RBM6: variants seen among roughly 807,000 people sequenced by gnomAD.
RBM6 encodes RNA binding motif protein 6.
A neutral mutation model predicts 140.4 loss-of-function variants in RBM6; 23 were observed. That is an observed-to-expected ratio of 0.16 (90% CI 0.12 to 0.23). RBM6 has a LOEUF of 0.23. RBM6 is among the 10% of genes least tolerant of loss of function. The pLI is 1.00. For missense variants in RBM6, 1,139 were observed against 1,386.7 expected (o/e 0.82, Z 2.84); for synonymous variants, 439 against 475.6 (o/e 0.92, Z 1.00).
intron 5 of RBM6, among the ~76,000 whole-genome samples, 174 bp from the exon 6 acceptor site, chr3:49,999,266 T>A (rs1442142654): frequency 6.6e-6 from 1 of 152,136 alleles, no homozygotes; most frequent in Non-Finnish European, 1.5e-5. Context: ...ACATCGAGAC[T>A]TTTCTTCAAT....
In RBM6 at chr3:50,030,502, TTC is replaced by T. The variant is rs552835603; in HGVS notation, c.1558-17741_1558-17740del. Among the ~76,000 whole-genome samples, 258 of 152,306 alleles carry T rather than the reference TTC, an allele frequency of 1.7e-3. 1 individual carries two copies. The highest frequency in any genetic ancestry group is 5.9e-3 in the African/African-American group (244 of 41,556). ...CACTACCTACTTTTTTCCTACAACT[TTC>T]TGTTTATTTTATAGTTTATGAATTT... On this transcript the variant is annotated intron_variant, in intron 6 of 20. Transcript: ENST00000266022.
At position 49,992,336 on chromosome 3, in the gene RBM6, T is replaced by A. The variant is rs1008012159; in HGVS notation, c.1484-7104T>A. Among the ~76,000 whole-genome samples, 4 of 152,154 alleles carry A rather than the reference T, an allele frequency of 2.6e-5. 1 individual carries two copies. The highest frequency in any genetic ancestry group is 9.7e-5 in the African/African-American group (4 of 41,432). On this transcript the variant is annotated intron_variant, in intron 5 of 20. Coordinates refer to ENST00000266022, the MANE Select transcript of RBM6 (RefSeq NM_005777.3). ...GAAAAAAAATGTTTATGGGCCATGT[T>A]TTTCTTCCTAGTCAAAATAAAAATA...
chr3:49,999,882 C>G (rs1220348883), intron 6 of RBM6, among the ~76,000 whole-genome samples: 1 of 152,106 alleles, frequency 6.6e-6, no homozygotes, highest in African/African-American at 2.4e-5. Context: ...ATCTGCCTAG[C>G]ACAGAAATTC....
At chr3:50,035,638 T>TGC (rs2088488364) in intron 6 of RBM6, among the ~76,000 whole-genome samples, 1 of 151,654 alleles carries the variant, frequency 6.6e-6, no homozygotes, top group Admixed American at 6.6e-5. Flanking sequence ...GCTGAGATCA[T>TGC]GCCATTGCAC....
intron 1 of RBM6, among the ~76,000 whole-genome samples, chr3:49,945,705 A>G (rs1042887699): frequency 2.0e-5 from 3 of 151,522 alleles, no homozygotes; most frequent in Non-Finnish European, 4.4e-5. Flanking sequence ...ACACGGTGAA[A>G]CCCCGTCTCT....
chr3:50,040,465 AAAAAAAAT>A (rs1358685456), intron 6 of RBM6, among the ~76,000 whole-genome samples: 7 of 53,380 alleles, frequency 1.3e-4, no homozygotes, highest in African/African-American at 2.9e-4. Context: ...AAAAAAAAAA[AAAAAAAAT>A]ATATATATAT....
At chr3:49,954,473 G>C (rs2083883731) in intron 1 of RBM6, among the ~76,000 whole-genome samples, 1 of 151,732 alleles carries the variant, frequency 6.6e-6, no homozygotes, top group Admixed American at 6.6e-5. Flanking sequence ...GTGAAGACAA[G>C]GTCTCAATAT....
At chr3:49,998,242 C>T (rs1052937700) in intron 5 of RBM6, among the ~76,000 whole-genome samples, 3 of 152,102 alleles carry the variant, frequency 2.0e-5, no homozygotes, top group African/African-American at 7.2e-5. Flanking sequence ...CTTATACTTT[C>T]TATTGTTCTA....
chr3:49,964,154 A>G (rs190171282), intron 2 of RBM6, among the ~76,000 whole-genome samples: 7 of 151,956 alleles, frequency 4.6e-5, no homozygotes, highest in Non-Finnish European at 1.0e-4. Context: ...TGATCCACCT[A>G]CCTCAGCCTC....
intron 6 of RBM6, among the ~76,000 whole-genome samples, chr3:50,007,110 T>C (rs1003045011): frequency 4.0e-5 from 6 of 151,838 alleles, no homozygotes; most frequent in East Asian, 3.9e-4. Context: ...TTTTTTTTTT[T>C]CCCATCAACA....
At chr3:50,045,525 C>T (rs2089178736) in intron 6 of RBM6, among the ~76,000 whole-genome samples, 2 of 152,206 alleles carry the variant, frequency 1.3e-5, no homozygotes, top group African/African-American at 2.4e-5. Context: ...ATTAAGTAGA[C>T]TGTGAGATCT....
At chr3:49,958,585 A>T (rs1433943331) in intron 1 of RBM6, among the ~76,000 whole-genome samples, 1 of 150,456 alleles carries the variant, frequency 6.6e-6, no homozygotes, top group Non-Finnish European at 1.5e-5. Context: ...AAAACAAAAA[A>T]CAAAAAACCA....
At chr3:49,965,511 T>C (rs2084467672) in intron 2 of RBM6, among the ~76,000 whole-genome samples, 1 of 151,756 alleles carries the variant, frequency 6.6e-6, no homozygotes, top group African/African-American at 2.4e-5. Flanking sequence ...CTACAAAAAA[T>C]ACAAAAAAAT....
At chr3:50,058,830 G>C in intron 10 of RBM6, 1 of 232,104 alleles carries the variant, frequency 4.3e-6, no homozygotes, top group South Asian at 8.1e-5. Context: ...GCAGGAGAAT[G>C]GCGTGAACTC....
intron 1 of RBM6, among the ~76,000 whole-genome samples, chr3:49,948,100 A>T (rs2083571253): frequency 6.7e-6 from 1 of 149,388 alleles, no homozygotes; most frequent in African/African-American, 2.5e-5. Flanking sequence ...AATCTGTCTT[A>T]AAAAAAAAAG....
intron 1 of RBM6, among the ~76,000 whole-genome samples, chr3:49,953,719 C>T (rs1305924604): frequency 1.3e-5 from 2 of 151,704 alleles, no homozygotes; most frequent in South Asian, 2.1e-4. Context: ...GGGGTTTCAC[C>T]ATGTTGGCCT....
rs1263253087 is a variant in RBM6 at position 50,070,357 on chromosome 3, G to C, written c.3019-98G>C. On this transcript the variant is annotated intron_variant, in intron 18 of 20. Coordinates refer to ENST00000266022, the MANE Select transcript of RBM6 (RefSeq NM_005777.3). ...GCAACAGAGTGAGACTCTGTCTCAA[G>C]AAAAAAATAATAATAATAACAGCAA... is the stretch of plus-strand genomic sequence containing the variant. 3 of 912,772 alleles carry C rather than the reference G, an allele frequency of 3.3e-6. No individual in the cohort carries two copies. In the African/African-American group the frequency reaches 5.0e-5, roughly 15 times the overall value. The allele number at this position is 912,772 out of a possible 1,614,324, so 56.5% of individuals were successfully genotyped here. A position where few individuals can be genotyped will look rare whatever the true frequency, so the allele number is the denominator to read the frequency against.
chr3:49,940,699 C>T (rs1273764823), intron 1 of RBM6: 1 of 154,152 alleles, frequency 6.5e-6, no homozygotes, highest in African/African-American at 2.4e-5. Flanking sequence ...ACAAGAGCTC[C>T]GAGCCCGGTC....
chr3:49,953,758 G>A (rs920751753), intron 1 of RBM6, among the ~76,000 whole-genome samples: 8 of 151,956 alleles, frequency 5.3e-5, no homozygotes, highest in Non-Finnish European at 1.5e-5. Flanking sequence ...GACCTCAGAT[G>A]ATCTGCCCGC....
Sources: gnomAD v4.1 joint callset for allele counts (sites outside exome capture counted in the v4.1 genomes callset) on GRCh38, gnomAD v4.1.1 for gene constraint, MANE v1.5 for transcripts, NCBI Gene and HGNC (gene_info 2026-07-23, HGNC 2026-07-21) for gene names.